METTL15: variants seen among roughly 807,000 people sequenced by gnomAD.
METTL15 encodes the protein 12S rRNA N(4)-cytidine methyltransferase METTL15.
In METTL15, 34 loss-of-function variants were observed where a neutral mutation model predicts 38.3. The ratio of observed to expected loss-of-function variants is 0.89; its 90% confidence interval spans 0.68 to 1.18. METTL15 has a LOEUF of 1.18. METTL15 is among the 50% of genes most tolerant of loss of function. The pLI, the probability that METTL15 is intolerant of heterozygous loss-of-function variation, is 0.00. For synonymous variants in METTL15, 162 were observed against 170.9 expected (o/e 0.95, Z 0.41); for missense variants, 438 against 498.4 (o/e 0.88, Z 1.15).
intron 4 of METTL15, among the ~76,000 whole-genome samples, chr11:28,227,746 G>A (rs1051496662): frequency 4.0e-5 from 6 of 151,774 alleles, no homozygotes; most frequent in African/African-American, 1.4e-4. Context: ...TAAAAGAATA[G>A]TCTTCTTGTT....
chr11:28,304,798 G>T (rs1377313668), intron 6 of METTL15, among the ~76,000 whole-genome samples: 1 of 152,096 alleles, frequency 6.6e-6, no homozygotes, highest in African/African-American at 2.4e-5. Flanking sequence ...TCCTGATCAA[G>T]ATAATTTGAC....
At chr11:28,310,374 A>G (rs1038632703) in intron 6 of METTL15, among the ~76,000 whole-genome samples, 31 of 151,924 alleles carry the variant, frequency 2.0e-4, no homozygotes, top group South Asian at 6.3e-4. Flanking sequence ...ACACACACAC[A>G]CACGCACGCA....
chr11:28,431,776 T>A (rs1172753113), intron 6 of METTL15, among the ~76,000 whole-genome samples: 173 of 51,230 alleles, frequency 3.4e-3, no homozygotes, highest in Non-Finnish European at 4.3e-3. Context: ...GAATTATCAA[T>A]AAAAAAATAA....
At chr11:28,159,595 C>G (rs1356947798) in intron 3 of METTL15, among the ~76,000 whole-genome samples, 1 of 152,122 alleles carries the variant, frequency 6.6e-6, no homozygotes, top group Non-Finnish European at 1.5e-5. Context: ...AGTCTTTCCC[C>G]CTTCTTTTGT....
At chr11:28,234,656 G>A (rs1439944364) in intron 4 of METTL15, among the ~76,000 whole-genome samples, 1 of 147,916 alleles carries the variant, frequency 6.8e-6, no homozygotes, top group African/African-American at 2.5e-5. Context: ...GGGGTTGTTT[G>A]TTTTTTTCTT....
downstream of METTL15, among the ~76,000 whole-genome samples, chr11:28,527,655 A>G (rs1303035980): frequency 6.6e-6 from 1 of 152,196 alleles, no homozygotes; most frequent in East Asian, 1.9e-4. Context: ...AAAGCATATC[A>G]TAGAGGGATT....
chr11:28,483,505 A>G (rs1015846898), intron 6 of METTL15, among the ~76,000 whole-genome samples: 1 of 152,066 alleles, frequency 6.6e-6, no homozygotes, highest in Non-Finnish European at 1.5e-5. Flanking sequence ...TCCTGGACCC[A>G]GGGTTTATTT....
At chr11:28,237,893 C>T (rs1465467928) in intron 4 of METTL15, among the ~76,000 whole-genome samples, 1 of 152,204 alleles carries the variant, frequency 6.6e-6, no homozygotes, top group Non-Finnish European at 1.5e-5. Context: ...GCCTGGGTAT[C>T]AGCAGCGGTG....
intron 6 of METTL15, among the ~76,000 whole-genome samples, chr11:28,468,965 G>A (rs1851280196): frequency 6.6e-6 from 1 of 152,136 alleles, no homozygotes; most frequent in African/African-American, 2.4e-5. Context: ...TTAATTTTTT[G>A]TGCTTTGTAC....
chr11:28,272,430 A>C (rs995725235), intron 4 of METTL15, among the ~76,000 whole-genome samples: 15 of 152,196 alleles, frequency 9.9e-5, no homozygotes, highest in African/African-American at 3.6e-4. Context: ...GACATGGATG[A>C]AGCTGGAAAC....
At chr11:28,514,736 CAT>C (rs1318968062) in intron 6 of METTL15, among the ~76,000 whole-genome samples, 3 of 152,200 alleles carry the variant, frequency 2.0e-5, no homozygotes, top group Admixed American at 2.0e-4. Flanking sequence ...ACTTTGGACA[CAT>C]GTTTGATGCC....
At chr11:28,470,430 C>T (rs1440382362) in intron 6 of METTL15, among the ~76,000 whole-genome samples, 2 of 152,032 alleles carry the variant, frequency 1.3e-5, no homozygotes, top group Non-Finnish European at 2.9e-5. Context: ...TTATGTCCTG[C>T]CCTTAAAGAG....
At chr11:28,220,175 A>G (rs939529790) in intron 4 of METTL15, among the ~76,000 whole-genome samples, 33 of 152,064 alleles carry the variant, frequency 2.2e-4, no homozygotes, top group African/African-American at 7.0e-4. Context: ...AAAGTCTGCC[A>G]TTATTGTTGT....
intron 4 of METTL15, among the ~76,000 whole-genome samples, chr11:28,216,502 T>C (rs1852877100): frequency 6.6e-6 from 1 of 152,146 alleles, no homozygotes; most frequent in African/African-American, 2.4e-5. Context: ...TGTGAAAATT[T>C]GAATATACAA....
intron 6 of METTL15, among the ~76,000 whole-genome samples, chr11:28,463,344 A>G (rs1269979154): frequency 6.6e-6 from 1 of 152,090 alleles, no homozygotes. Context: ...GTATCATAGA[A>G]CCTATGCTAC....
intron 6 of METTL15, among the ~76,000 whole-genome samples, chr11:28,432,803 G>A (rs573130504): frequency 6.6e-6 from 1 of 152,266 alleles, no homozygotes; most frequent in Non-Finnish European, 1.5e-5. Context: ...TAATATGGAA[G>A]CAATTGTGCC....
chr11:28,377,467 T>A (rs10835319), intron 5 of METTL15, among the ~76,000 whole-genome samples: 64,224 of 152,008 alleles, frequency 0.42, 14,979 homozygotes, highest in Admixed American at 0.54. Context: ...CTGAGGCTTC[T>A]GTGTTGTTCA....
chr11:28,418,817 T>C (rs866931639), intron 5 of METTL15, among the ~76,000 whole-genome samples: 4 of 152,158 alleles, frequency 2.6e-5, no homozygotes, highest in South Asian at 2.1e-4. Flanking sequence ...TGGAACTCAG[T>C]GCTGCCAACA....
intron 6 of METTL15, among the ~76,000 whole-genome samples, chr11:28,458,164 T>A (rs1256016410): frequency 6.6e-6 from 1 of 152,184 alleles, no homozygotes; most frequent in Non-Finnish European, 1.5e-5. Context: ...TCTTTTGGCT[T>A]TGTTGGTATA....
Sources: gnomAD v4.1 joint callset for allele counts (sites outside exome capture counted in the v4.1 genomes callset) on GRCh38, gnomAD v4.1.1 for gene constraint, MANE v1.5 for transcripts, NCBI Gene and HGNC (gene_info 2026-07-23, HGNC 2026-07-21) for gene names.